COL11A1: variants seen among roughly 807,000 people sequenced by gnomAD.
COL11A1 encodes collagen alpha-1(XI) chain.
COL11A1 carries 74 observed loss-of-function variants against 265.2 expected under a neutral mutation model. That is an observed-to-expected ratio of 0.28 (90% CI 0.23 to 0.34). The LOEUF (loss-of-function observed/expected upper bound fraction) is 0.34, where lower values mean the gene tolerates loss of function less well. Ranked by LOEUF, COL11A1 falls within the 10% of genes least tolerant of loss-of-function variation. The pLI is 1.00. For synonymous variants in COL11A1, 816 were observed against 727.6 expected (o/e 1.12, Z -1.96); for missense variants, 2,165 against 2,263.6 (o/e 0.96, Z 0.88).
In COL11A1 at chr1:103,092,456, C is replaced by A. The variant is rs147130718; in HGVS notation, c.107-9484G>T. On this transcript the variant is annotated intron_variant, in intron 1 of 66. Coordinates refer to ENST00000370096, the MANE Select transcript of COL11A1 (RefSeq NM_001854.4). ...TATAAAAAGTCAAAATTTGTCAAAT[C>A]TTATGCACACAAACACAGATCATAC... Among the ~76,000 whole-genome samples, 427 of 152,216 alleles carry A rather than the reference C, an allele frequency of 2.8e-3. 1 individual carries two copies. The highest frequency in any genetic ancestry group is 4.9e-3 in the Non-Finnish European group (330 of 67,982).
At position 102,913,741 on chromosome 1, in the gene COL11A1, T is replaced by C. The variant is rs1416380647; in HGVS notation, c.3979-51A>G. ...CAAGATATATCTCAGTATCAATAAA[T>C]CACACTACTTATCAGGAAAAAAGTA... On this transcript the variant is annotated intron_variant, in intron 52 of 66. Coordinates refer to ENST00000370096, the MANE Select transcript of COL11A1 (RefSeq NM_001854.4). 4.6e-6 allele frequency: 7 copies of C among 1,507,818 alleles called. No individual in the cohort carries two copies. In the African/African-American group the frequency reaches 5.5e-5, roughly 12 times the overall value. The allele number at this position is 1,507,818 out of a possible 1,614,324, so 93.4% of individuals were successfully genotyped here.
intron 1 of COL11A1, among the ~76,000 whole-genome samples, chr1:103,092,396 TA>T (rs1291322596): frequency 1.3e-5 from 2 of 152,278 alleles, no homozygotes; most frequent in South Asian, 2.1e-4. Context: ...ACAAGTCTTT[TA>T]TGGTTTACTA....
At chr1:103,077,854 C>T (rs6577347) in intron 3 of COL11A1, among the ~76,000 whole-genome samples, 23,128 of 151,980 alleles carry the variant, frequency 0.15, 1,891 homozygotes, top group Non-Finnish European at 0.16. Flanking sequence ...TCCAACTATA[C>T]GAACTTAGGC....
chr1:102,903,253 A>C (rs1297029181), intron 54 of COL11A1, among the ~76,000 whole-genome samples: 1 of 152,184 alleles, frequency 6.6e-6, no homozygotes, highest in Non-Finnish European at 1.5e-5. Context: ...TATGAATGAT[A>C]ATGTAATTCT....
intron 46 of COL11A1, among the ~76,000 whole-genome samples, chr1:102,925,268 C>T (rs1656466752): frequency 6.6e-6 from 1 of 152,016 alleles, no homozygotes; most frequent in African/African-American, 2.4e-5. Context: ...TAGCCTTTTG[C>T]ATAGATGATA....
chr1:102,896,872 A>AT lies in COL11A1; in HGVS notation c.4302+1252dup. Among the ~76,000 whole-genome samples, 2 of 152,178 alleles carry AT rather than the reference A, an allele frequency of 1.3e-5. 1 individual carries two copies. The highest frequency in any genetic ancestry group is 6.8e-3 in the Middle Eastern group (2 of 294). On this transcript the variant is annotated intron_variant, in intron 57 of 66. Coordinates refer to ENST00000370096, the MANE Select transcript of COL11A1 (RefSeq NM_001854.4). ...TTTTAGAGTGACATTAAGGCAAGGT[A>AT]TTTTTTCCTTCCAGGCTCTGACTCT...
intron 28 of COL11A1, among the ~76,000 whole-genome samples, chr1:102,990,402 T>C (rs1664020349): frequency 6.6e-6 from 1 of 152,074 alleles, no homozygotes; most frequent in South Asian, 2.1e-4. Flanking sequence ...TCTTACAATC[T>C]TCTTTCAGGT....
intron 3 of COL11A1, among the ~76,000 whole-genome samples, chr1:103,078,041 G>A (rs1464173735): frequency 1.3e-5 from 2 of 152,024 alleles, no homozygotes; most frequent in Non-Finnish European, 2.9e-5. Context: ...AATATTATTA[G>A]TAAAACGTAA....
chr1:102,921,615 T>G, intron 47 of COL11A1, 44 bp from the exon 48 acceptor site: 1 of 1,487,090 alleles, frequency 6.7e-7, no homozygotes. Context: ...CAAATTCAAA[T>G]GTGTTTCCAA....
At chr1:103,013,908 A>G (rs1488959131) in intron 13 of COL11A1, among the ~76,000 whole-genome samples, 1 of 152,052 alleles carries the variant, frequency 6.6e-6, no homozygotes, top group Non-Finnish European at 1.5e-5. Context: ...AAACTAATTA[A>G]AAAACATAAA....
At chr1:102,959,053 C>A (rs1470894038) in intron 41 of COL11A1, among the ~76,000 whole-genome samples, 1 of 152,160 alleles carries the variant, frequency 6.6e-6, no homozygotes, top group East Asian at 1.9e-4. Flanking sequence ...TCCACGTTGC[C>A]CAAGTCATCG....
chr1:102,961,891 C>A lies in COL11A1; in HGVS notation c.3143G>T (p.Gly1048Val). The change falls in exon 41 of 67, where the codon GGT becomes GTT. Residue 1048 changes from glycine (G) to valine (V), a missense_variant. By Grantham distance (109) the Gly-to-Val change is moderately radical. Coordinates refer to ENST00000370096, the MANE Select transcript of COL11A1 (RefSeq NM_001854.4). ...QGAPGLKGGE[G>V]PQGPPGPVGS... ...AACTGGACCTGGTGGGCCCTGGGGA[C>A]CTTCCCCTCCTTTCAGTCCAGGTGC... 6.2e-7 allele frequency: 1 copy of A among 1,613,116 alleles called. No homozygotes were observed. Among genetic ancestry groups the A allele is most frequent in the Non-Finnish European group, 8.5e-7 (1 of 1,179,604 alleles).
intron 7 of COL11A1, among the ~76,000 whole-genome samples, chr1:103,025,198 A>G (rs1250335705): frequency 2.0e-5 from 3 of 152,168 alleles, no homozygotes; most frequent in Admixed American, 6.5e-5. Context: ...CAGAAGAAAC[A>G]TGTTGTGAAT....
chr1:102,966,607 A>G (rs1258293020), intron 37 of COL11A1, among the ~76,000 whole-genome samples: 1 of 152,142 alleles, frequency 6.6e-6, no homozygotes, highest in Non-Finnish European at 1.5e-5. Context: ...TTCTGGGGGG[A>G]AATGTCATAA....
intron 4 of COL11A1, among the ~76,000 whole-genome samples, chr1:103,057,761 G>T (rs751292229): frequency 6.6e-6 from 1 of 152,150 alleles, no homozygotes; most frequent in African/African-American, 2.4e-5. Context: ...CTCAGCAGTA[G>T]GTCACAACTG....
At position 102,899,089 on chromosome 1, in the gene COL11A1, G is replaced by C. The variant is rs1652835319; in HGVS notation, c.4087-95C>G. On this transcript the variant is annotated intron_variant, in intron 54 of 66. Coordinates refer to ENST00000370096, the MANE Select transcript of COL11A1 (RefSeq NM_001854.4). ...AAACACTAAACTTTAGTTTGTAACA[G>C]ATGAATAAATTGTAGTTTTCTATCA... is the stretch of plus-strand genomic sequence containing the variant. The C allele has an allele frequency of 4.9e-6, 3 of 616,058 alleles. No homozygotes were observed. In the South Asian group the frequency reaches 9.4e-5, roughly 19 times the overall value. The allele number at this position is 616,058 out of a possible 1,614,324, so 38.2% of individuals were successfully genotyped here.
At chr1:102,965,736 A>G (rs1171062252) in intron 37 of COL11A1, among the ~76,000 whole-genome samples, 196 bp from the exon 38 acceptor site, 2 of 152,212 alleles carry the variant, frequency 1.3e-5, no homozygotes, top group Admixed American at 1.3e-4. Context: ...TGCCATTTCA[A>G]TATTTCACAT....
chr1:103,028,187 T>C (rs371034403), intron 5 of COL11A1, among the ~76,000 whole-genome samples: 1 of 152,116 alleles, frequency 6.6e-6, no homozygotes, highest in East Asian at 1.9e-4. Context: ...CCTGACACCA[T>C]GCCCGGCTAA....
chr1:102,906,411 A>G (rs1048558587), intron 54 of COL11A1, among the ~76,000 whole-genome samples: 4 of 151,992 alleles, frequency 2.6e-5, no homozygotes, highest in African/African-American at 9.7e-5. Context: ...TTTTGGGTTT[A>G]CTTTTTGTTT....
Sources: allele counts gnomAD v4.1 joint callset (sites outside exome capture counted in the v4.1 genomes callset), GRCh38; gene constraint gnomAD v4.1.1; transcripts MANE v1.5; gene names NCBI Gene and HGNC (gene_info 2026-07-23, HGNC 2026-07-21).